The following RGMA variants were observed in gnomAD, a reference collection of about 807,000 sequenced individuals.
RGMA encodes repulsive guidance molecule BMP co-receptor a, also known as repulsive guidance molecule A.
Under a neutral mutation model 23.2 loss-of-function variants are expected in RGMA, and 10 were observed. The observed-to-expected ratio is 0.43, with a 90% CI of 0.27 to 0.73. The LOEUF (loss-of-function observed/expected upper bound fraction) is 0.73, where lower values mean the gene tolerates loss of function less well. RGMA is among the 30% of genes least tolerant of loss of function. The pLI is 0.20. For missense variants in RGMA, 547 were observed against 630.5 expected (o/e 0.87, Z 1.42); for synonymous variants, 308 against 279.3 (o/e 1.10, Z -1.03).
chr15:93,065,909 TG>T, intron 2 of RGMA: 5 of 718,190 alleles, frequency 7.0e-6, no homozygotes, highest in South Asian at 6.1e-5. Flanking sequence ...TGTTGCTGGC[TG>T]GGGGGCCGAG....
intron 2 of RGMA, among the ~76,000 whole-genome samples, chr15:93,053,506 T>C (rs955025336): frequency 2.6e-5 from 4 of 152,214 alleles, no homozygotes; most frequent in African/African-American, 2.4e-5. Flanking sequence ...TCAGCACTCT[T>C]GTCTGGGCCA....
At chr15:93,088,368 G>A (rs1469397566) in intron 1 of RGMA, 2 of 985,364 alleles carry the variant, frequency 2.0e-6, no homozygotes, top group Non-Finnish European at 2.4e-6. Flanking sequence ...TTGGCAATGG[G>A]CATCCTCGGC....
chr15:93,063,817 G>A (rs531793980), intron 2 of RGMA, among the ~76,000 whole-genome samples: 1 of 152,290 alleles, frequency 6.6e-6, no homozygotes, highest in Admixed American at 6.5e-5. Context: ...GCTTCTCAGG[G>A]AACCTCAGTT....
chr15:93,088,892 T>A (rs1156530838), intron 1 of RGMA, 27 bp downstream of exon 1: 1 of 1,488,042 alleles, frequency 6.7e-7, no homozygotes, highest in Admixed American at 2.2e-5. Context: ...CAGAGCCGGG[T>A]CTGCCCGGCT....
At chr15:93,065,629 T>G in intron 2 of RGMA, 1 of 874,376 alleles carries the variant, frequency 1.1e-6, no homozygotes, top group Non-Finnish European at 1.9e-6. Flanking sequence ...TGATAGGGGC[T>G]GAGGTCTCAG....
At chr15:93,072,854 G>A (rs779305205) in intron 2 of RGMA, 62 bp downstream of exon 2, 1 of 1,544,390 alleles carries the variant, frequency 6.5e-7, no homozygotes, top group East Asian at 2.4e-5. Flanking sequence ...GCGCACATCT[G>A]GCCCAGCATT....
intron 2 of RGMA, among the ~76,000 whole-genome samples, chr15:93,054,085 C>T (rs1248330181): frequency 6.6e-6 from 1 of 151,960 alleles, no homozygotes; most frequent in Admixed American, 6.6e-5. Flanking sequence ...CAAAAATTAG[C>T]TGGGCATGGT....
intron 1 of RGMA, among the ~76,000 whole-genome samples, chr15:93,086,677 CCT>C (rs991155169): frequency 1.1e-4 from 17 of 152,256 alleles, no homozygotes; most frequent in Middle Eastern, 3.4e-3. Flanking sequence ...TGAAAAACTC[CCT>C]GTCCCAGTGT....
Position 93,066,374 on chromosome 15 carries a change from G to A in RGMA, c.130+6542C>T, listed in dbSNP as rs1298131967. On this transcript the variant is annotated intron_variant, in intron 2 of 3. Coordinates refer to ENST00000329082, the MANE Select transcript of RGMA (RefSeq NM_020211.3). ...CTCGGAGTGCCAGCAGCACCAGCTT[G>A]TTCGCGTGACTCCAGGTGGGGGAAA... 6.8e-6 allele frequency: 5 copies of A among 737,836 alleles called. No homozygotes were observed. The African/African-American group carries it at 8.6e-5, about 13-fold the overall frequency. 45.7% of individuals were successfully genotyped at this position (737,836 alleles called of 1,614,324 possible). A position where few individuals can be genotyped will look rare whatever the true frequency, so the allele number is the denominator to read the frequency against.
intron 2 of RGMA, among the ~76,000 whole-genome samples, chr15:93,061,278 T>C (rs190912914): frequency 0.057 from 8,665 of 152,298 alleles, 350 homozygotes; most frequent in Middle Eastern, 0.095. Context: ...CTCAGCCTCC[T>C]GAGTAGCTGG....
chr15:93,085,932 G>C (rs745373170), intron 1 of RGMA, among the ~76,000 whole-genome samples: 4 of 152,108 alleles, frequency 2.6e-5, no homozygotes, highest in African/African-American at 4.8e-5. Flanking sequence ...TGCATACTTG[G>C]GTAAGGCAAT....
At chr15:93,061,708 G>A (rs528967068) in intron 2 of RGMA, among the ~76,000 whole-genome samples, 2 of 152,308 alleles carry the variant, frequency 1.3e-5, no homozygotes, top group Non-Finnish European at 2.9e-5. Context: ...AGGGGAGGGC[G>A]CTTGGAGCAC....
At chr15:93,062,594 A>G (rs11630299) in intron 2 of RGMA, among the ~76,000 whole-genome samples, 8,671 of 152,232 alleles carry the variant, frequency 0.057, 350 homozygotes, top group Middle Eastern at 0.095. Flanking sequence ...GCTTCAAACC[A>G]CTTTGCTCTC....
chr15:93,058,049 G>A (rs1355579694), intron 2 of RGMA, among the ~76,000 whole-genome samples: 2 of 152,210 alleles, frequency 1.3e-5, no homozygotes, highest in African/African-American at 4.8e-5. Context: ...AGAAGATGCG[G>A]TGAGAAACTC....
intron 1 of RGMA, among the ~76,000 whole-genome samples, chr15:93,074,296 G>A (rs1265672057): frequency 6.6e-6 from 1 of 152,204 alleles, no homozygotes; most frequent in African/African-American, 2.4e-5. Context: ...CTGCTGCAAA[G>A]GCCACACAGG....
chr15:93,088,652 G>A, intron 1 of RGMA: 1 of 1,017,722 alleles, frequency 9.8e-7, no homozygotes, highest in Non-Finnish European at 1.3e-6. Context: ...TAAGGGACGT[G>A]TGCCGGGTCT....
intron 1 of RGMA, among the ~76,000 whole-genome samples, chr15:93,083,471 G>A (rs776353558): frequency 6.6e-6 from 1 of 152,104 alleles, no homozygotes; most frequent in Non-Finnish European, 1.5e-5. Context: ...GGGACCACAG[G>A]TGCACACCAC....
At position 93,045,531 on chromosome 15, in the gene RGMA, C is replaced by T; in HGVS notation, c.820G>A (p.Ala274Thr). Reference sequence around the variant, plus strand: ...ACGATGGTGGTGCCGATGTACTTGGCCTGGATCTCCACGTGCTGGCCTGAC... The same window carrying T: ...ACGATGGTGGTGCCGATGTACTTGGTCTGGATCTCCACGTGCTGGCCTGAC... The part of the protein sequence containing the change: ...KVSGQHVEIQ[A>T]KYIGTTIVVR... The change falls in exon 4 of 4, where the codon GCC (alanine) becomes ACC (threonine). Residue 274 changes from alanine to threonine, a missense_variant. Around this residue, in one of 3 missense-constraint regions of RGMA, gnomAD observed 128 missense variants for 191.7 expected, o/e 0.67. Coordinates refer to ENST00000329082, the MANE Select transcript of RGMA (RefSeq NM_020211.3). This position sits in a 1 kb window ranked among gnomAD's most constrained non-coding sequence, Gnocchi z 6.9. 1.2e-6 allele frequency: 2 copies of T among 1,613,320 alleles called. No individual in the cohort carries two copies. The highest frequency in any genetic ancestry group is 1.7e-6 in the Non-Finnish European group (2 of 1,179,872).
At position 93,045,284 on chromosome 15, in the gene RGMA, G is replaced by A. The variant is rs1030732401; in HGVS notation, c.1067C>T (p.Pro356Leu). ...SPAPTAPETF[P>L]YETAVAKCKE... is the part of the protein sequence containing the mutation. ...GCACTTGGCCACGGCTGTCTCGTAT[G>A]GGAAGGTCTCGGGGGCTGTGGGTGC... The change falls in exon 4 of 4, where the codon CCA (proline) becomes CTA (leucine). Residue 356 changes from proline (P) to leucine (L), a missense_variant. Coordinates refer to ENST00000329082, the MANE Select transcript of RGMA (RefSeq NM_020211.3). This position sits in a 1 kb window ranked among gnomAD's most constrained non-coding sequence, Gnocchi z 6.9. 5.6e-6 allele frequency: 9 copies of A among 1,612,968 alleles called. No homozygotes were observed. Among genetic ancestry groups the A allele is most frequent in the African/African-American group, 1.3e-5 (1 of 74,916 alleles).
Sources: allele counts gnomAD v4.1 joint callset (sites outside exome capture counted in the v4.1 genomes callset), GRCh38; gene constraint gnomAD v4.1.1; regional missense constraint gnomAD v4.1.1; non-coding constraint Gnocchi (gnomAD v3.1); transcripts MANE v1.5; gene names NCBI Gene and HGNC (gene_info 2026-07-23, HGNC 2026-07-21).